C2orf76: variants seen among roughly 807,000 people sequenced by gnomAD.
C2orf76 encodes chromosome 2 open reading frame 76.
In C2orf76, 23 loss-of-function variants were observed where a neutral mutation model predicts 16.9. The observed-to-expected ratio is 1.36, with a 90% confidence interval of 0.98 to 1.93. The LOEUF is 1.93. Ranked by LOEUF, C2orf76 falls within the 30% of genes most tolerant of loss-of-function variation. C2orf76 has a pLI of 0.00. For missense variants in C2orf76, 152 were observed against 152.6 expected (o/e 1.00, Z 0.02); for synonymous variants, 48 against 52.3 (o/e 0.92, Z 0.35).
At chr2:119,319,914 A>G (rs1445668076) in intron 3 of C2orf76, among the ~76,000 whole-genome samples, 1 of 152,204 alleles carries the variant, frequency 6.6e-6, no homozygotes, top group East Asian at 1.9e-4. Context: ...CAGAAAGCAG[A>G]AGATTGTTAA....
At chr2:119,352,275 T>G (rs1325495471) in intron 1 of C2orf76, among the ~76,000 whole-genome samples, 1 of 152,224 alleles carries the variant, frequency 6.6e-6, no homozygotes, top group Non-Finnish European at 1.5e-5. Flanking sequence ...TACTGTAAAA[T>G]TACACTTGTC....
At chr2:119,325,940 G>A (rs1040603027) in intron 2 of C2orf76, among the ~76,000 whole-genome samples, 1 of 152,070 alleles carries the variant, frequency 6.6e-6, no homozygotes, top group Non-Finnish European at 1.5e-5. Context: ...AAGAGGTTTT[G>A]GTTTTGGTTT....
chr2:119,318,683 C>T (rs372013674), intron 3 of C2orf76, among the ~76,000 whole-genome samples: 14 of 152,050 alleles, frequency 9.2e-5, no homozygotes, highest in South Asian at 6.2e-4. Flanking sequence ...GCTCCCACCA[C>T]CACACCTAGC....
intron 4 of C2orf76, among the ~76,000 whole-genome samples, chr2:119,315,753 C>T (rs766284705): frequency 1.3e-4 from 20 of 152,112 alleles, no homozygotes; most frequent in Non-Finnish European, 2.5e-4. Flanking sequence ...GGGAGTCCTC[C>T]CTTAAACAAA....
intron 1 of C2orf76, chr2:119,366,515 G>C (rs1018429863): frequency 8.5e-6 from 4 of 471,494 alleles, no homozygotes. Flanking sequence ...GCTCATCAGG[G>C]ACCATCTCCG....
At chr2:119,322,531 T>G (rs763245430) in intron 2 of C2orf76, among the ~76,000 whole-genome samples, 5 of 152,138 alleles carry the variant, frequency 3.3e-5, no homozygotes, top group Non-Finnish European at 5.9e-5. Flanking sequence ...CATAGAACTA[T>G]ACTACACACG....
intron 2 of C2orf76, among the ~76,000 whole-genome samples, chr2:119,321,806 C>A (rs1259282567): frequency 6.6e-6 from 1 of 151,950 alleles, no homozygotes; most frequent in Middle Eastern, 3.4e-3. Flanking sequence ...CATTAGACAA[C>A]AGTATCTATG....
the C2orf76 span, among the ~76,000 whole-genome samples, chr2:119,281,385 C>T: frequency 5.3e-5 from 8 of 151,976 alleles, no homozygotes; most frequent in Non-Finnish European, 8.8e-5. Flanking sequence ...TTTGGTTTTC[C>T]GTTCCAAGAG....
chr2:119,337,795 T>C (rs1573659270), intron 2 of C2orf76, among the ~76,000 whole-genome samples: 1 of 152,138 alleles, frequency 6.6e-6, no homozygotes. Flanking sequence ...TGTGAGTAGG[T>C]GGGTCTGAGC....
the C2orf76 span, among the ~76,000 whole-genome samples, chr2:119,285,589 G>C: frequency 1.3e-5 from 2 of 152,212 alleles, no homozygotes; most frequent in Non-Finnish European, 2.9e-5. Context: ...TAAACAGGTA[G>C]TGGATATCCA....
intron 2 of C2orf76, among the ~76,000 whole-genome samples, chr2:119,329,229 C>T (rs546771817): frequency 5.3e-5 from 8 of 152,082 alleles, no homozygotes; most frequent in South Asian, 2.1e-4. Flanking sequence ...TTAGGTGCAT[C>T]GTTATGTCCT....
intron 1 of C2orf76, chr2:119,366,307 A>C (rs986234567): frequency 1.4e-4 from 58 of 406,430 alleles, no homozygotes; most frequent in Non-Finnish European, 2.7e-4. Context: ...CGTCCCGTCC[A>C]AGTTTGTTAA....
At chr2:119,311,076 G>A (rs185523504) in intron 5 of C2orf76, 16 of 806,026 alleles carry the variant, frequency 2.0e-5, no homozygotes, top group Non-Finnish European at 2.3e-5. Flanking sequence ...CACAAAACAT[G>A]TCACATAACA....
chr2:119,314,545 G>A (rs528612393), intron 4 of C2orf76, among the ~76,000 whole-genome samples: 2 of 152,086 alleles, frequency 1.3e-5, no homozygotes, highest in Admixed American at 1.3e-4. Flanking sequence ...GGTCTATTTT[G>A]GAACTTTTAA....
At chr2:119,364,954 T>C (rs1680877056) in intron 1 of C2orf76, among the ~76,000 whole-genome samples, 1 of 151,972 alleles carries the variant, frequency 6.6e-6, no homozygotes, top group Non-Finnish European at 1.5e-5. Context: ...GCATGGTGGT[T>C]GTGCCCACAT....
rs1678646945 is a variant in C2orf76, at chr2:119,302,517, T to C, written c.336A>G (p.Glu112=). 2.6e-6 allele frequency: 4 copies of C among 1,511,264 alleles called. No individual in the cohort carries two copies. The East Asian group carries it at 9.5e-5, about 36-fold the overall frequency. 93.6% of individuals were successfully genotyped at this position (1,511,264 alleles called of 1,614,324 possible). A position where few individuals can be genotyped will look rare whatever the true frequency, so the allele number is the denominator to read the frequency against. ...ASETEIAFFC[E]EDYKNYKANP... ...TAGCTTTGTAGTTCTTATAATCTTCTTCACAGAAGAATGCAATTTCAGTTT... is the reference window on the plus strand; with the variant it reads ...TAGCTTTGTAGTTCTTATAATCTTCCTCACAGAAGAATGCAATTTCAGTTT... The change falls in exon 6 of 6, where the codon GAA becomes GAG. Residue 112 remains glutamate (E), a synonymous_variant. Transcript: ENST00000334816.
At position 119,312,883 on chromosome 2, in the gene C2orf76, C is replaced by G. The variant is rs555987924; in HGVS notation, c.223-1180G>C. ...TCTATTAAAAATACAAAAAAATTAG[C>G]CGGGAGCGGTGGCAGGTGCCTGTAG... On this transcript the variant is annotated intron_variant, in intron 4 of 5. Coordinates refer to ENST00000334816, the MANE Select transcript of C2orf76 (RefSeq NM_001322331.2). Among the ~76,000 whole-genome samples, 65 of 152,138 alleles carry G rather than the reference C, an allele frequency of 4.3e-4. 1 individual carries two copies. In the South Asian group the frequency reaches 7.5e-3, roughly 17 times the overall value.
chr2:119,308,979 T>C (rs1267869098), intron 5 of C2orf76, among the ~76,000 whole-genome samples: 1 of 152,190 alleles, frequency 6.6e-6, no homozygotes, highest in African/African-American at 2.4e-5. Context: ...TCTGCTAATC[T>C]TATAACAATT....
chr2:119,330,656 C>T (rs1679648536), intron 2 of C2orf76, among the ~76,000 whole-genome samples: 2 of 151,792 alleles, frequency 1.3e-5, no homozygotes, highest in South Asian at 2.1e-4. Flanking sequence ...ATCTTCTGTC[C>T]CCCGTCCCTC....
Sources: gnomAD v4.1 joint callset for allele counts (sites outside exome capture counted in the v4.1 genomes callset) on GRCh38, gnomAD v4.1.1 for gene constraint, MANE v1.5 for transcripts, NCBI Gene and HGNC (gene_info 2026-07-23, HGNC 2026-07-21) for gene names.